PRKCA: variants seen among roughly 807,000 people sequenced by gnomAD.
PRKCA encodes the protein protein kinase C alpha.
In PRKCA, 27 loss-of-function variants were observed where a neutral mutation model predicts 87.0. That is an observed-to-expected ratio of 0.31 (90% CI 0.23 to 0.43). The LOEUF is 0.43. Among genes scored for constraint, PRKCA ranks in the 20% least tolerant of loss-of-function variants. PRKCA has a pLI of 1.00. For missense variants in PRKCA, 518 were observed against 852.3 expected (o/e 0.61, Z 4.88); for synonymous variants, 329 against 311.1 (o/e 1.06, Z -0.61).
intron 2 of PRKCA, among the ~76,000 whole-genome samples, chr17:66,324,330 A>G (rs1024192836): frequency 3.3e-5 from 5 of 151,804 alleles, no homozygotes; most frequent in Non-Finnish European, 5.9e-5. Flanking sequence ...GGCAGGCATC[A>G]GTGGCTCACG....
chr17:66,629,359 A>T (rs1368039398), intron 3 of PRKCA, among the ~76,000 whole-genome samples: 1 of 152,226 alleles, frequency 6.6e-6, no homozygotes, highest in African/African-American at 2.4e-5. Context: ...TTAGCTCCCT[A>T]CTACCAAAGA....
At chr17:66,675,765 A>G (rs1023019891) in intron 5 of PRKCA, among the ~76,000 whole-genome samples, 1 of 152,112 alleles carries the variant, frequency 6.6e-6, no homozygotes, top group Non-Finnish European at 1.5e-5. Flanking sequence ...CGGCCACCGG[A>G]GCCTGCCTGG....
At chr17:66,373,576 G>A (rs1909235596) in intron 2 of PRKCA, among the ~76,000 whole-genome samples, 1 of 152,142 alleles carries the variant, frequency 6.6e-6, no homozygotes, top group Non-Finnish European at 1.5e-5. Flanking sequence ...CTGCTTCCCT[G>A]CATTTTCTTT....
intron 8 of PRKCA, 127 bp from the exon 9 acceptor site, chr17:66,732,561 C>T: frequency 8.6e-7 from 1 of 1,163,214 alleles, no homozygotes; most frequent in South Asian, 1.3e-5. Flanking sequence ...AATTCTCACC[C>T]TTTGTTCCTT....
intron 2 of PRKCA, among the ~76,000 whole-genome samples, chr17:66,326,303 G>A (rs1176259115): frequency 1.3e-5 from 2 of 152,078 alleles, no homozygotes; most frequent in Non-Finnish European, 2.9e-5. Context: ...CCGTGGGTTT[G>A]CATATCTTTA....
chr17:66,702,135 C>CATAT (rs147965167), intron 8 of PRKCA, among the ~76,000 whole-genome samples: 3 of 150,132 alleles, frequency 2.0e-5, no homozygotes, highest in Admixed American at 1.3e-4. Flanking sequence ...TGTGCATATT[C>CATAT]ATATATATAT....
intron 4 of PRKCA, among the ~76,000 whole-genome samples, chr17:66,644,291 C>T (rs185424903): frequency 2.0e-5 from 3 of 152,336 alleles, no homozygotes; most frequent in African/African-American, 7.2e-5. Flanking sequence ...TTCCAATTTA[C>T]TTTGTCATGT....
intron 2 of PRKCA, among the ~76,000 whole-genome samples, chr17:66,441,557 G>A (rs367795265): frequency 1.1e-4 from 17 of 152,160 alleles, no homozygotes; most frequent in African/African-American, 2.6e-4. Context: ...ATCTTCATAC[G>A]ACTCTCGTCT....
intron 3 of PRKCA, among the ~76,000 whole-genome samples, chr17:66,580,935 C>G (rs1052921910): frequency 6.6e-5 from 10 of 151,996 alleles, no homozygotes; most frequent in South Asian, 2.1e-4. Flanking sequence ...TGTTGCCCCC[C>G]CCCATGCTCG....
At chr17:66,528,509 G>A (rs1221715418) in intron 3 of PRKCA, among the ~76,000 whole-genome samples, 3 of 152,146 alleles carry the variant, frequency 2.0e-5, no homozygotes, top group African/African-American at 4.8e-5. Context: ...ACAAAAGGAT[G>A]CAGAAGCAGA....
chr17:66,434,983 G>C (rs1487082698), intron 2 of PRKCA, among the ~76,000 whole-genome samples: 1 of 152,154 alleles, frequency 6.6e-6, no homozygotes, highest in African/African-American at 2.4e-5. Flanking sequence ...TCTCAAACTT[G>C]ACTCTTTGGT....
chr17:66,451,909 C>T (rs1443088252), intron 2 of PRKCA, among the ~76,000 whole-genome samples: 1 of 152,208 alleles, frequency 6.6e-6, no homozygotes, highest in African/African-American at 2.4e-5. Flanking sequence ...CTTTCTTTTG[C>T]TCCTGGCAAA....
intron 1 of PRKCA, among the ~76,000 whole-genome samples, chr17:66,303,551 CT>C (rs1225871841): frequency 2.0e-5 from 3 of 152,054 alleles, no homozygotes; most frequent in Non-Finnish European, 4.4e-5. Context: ...GCGCTGGCAT[CT>C]TGGGCCCCTG....
chr17:66,445,034 G>A (rs1013282255), intron 2 of PRKCA, among the ~76,000 whole-genome samples: 4 of 152,118 alleles, frequency 2.6e-5, no homozygotes, highest in Non-Finnish European at 5.9e-5. Flanking sequence ...GGAGTTTGTA[G>A]CAACATGTCC....
chr17:66,520,622 A>G (rs1428947856), intron 3 of PRKCA, among the ~76,000 whole-genome samples: 1 of 152,168 alleles, frequency 6.6e-6, no homozygotes, highest in African/African-American at 2.4e-5. Context: ...GTTAAGTTCA[A>G]CTTATCAAAG....
chr17:66,754,253 A>G (rs1049765540), intron 13 of PRKCA, among the ~76,000 whole-genome samples: 1 of 152,064 alleles, frequency 6.6e-6, no homozygotes, highest in Admixed American at 6.6e-5. Context: ...CATACAATCA[A>G]CATCGTTGTC....
intron 3 of PRKCA, among the ~76,000 whole-genome samples, chr17:66,540,107 C>A (rs927555611): frequency 7.9e-5 from 12 of 152,142 alleles, no homozygotes; most frequent in African/African-American, 2.7e-4. Context: ...TGATGTTTTC[C>A]CCATTGGGAA....
chr17:66,668,484 C>G (rs1449163262), intron 5 of PRKCA, among the ~76,000 whole-genome samples: 1 of 152,130 alleles, frequency 6.6e-6, no homozygotes, highest in East Asian at 1.9e-4. Flanking sequence ...CTACCTGGCT[C>G]CAGCAAAAAC....
At chr17:66,734,883 T>C (rs895393298) in intron 9 of PRKCA, among the ~76,000 whole-genome samples, 1 of 95,852 alleles carries the variant, frequency 1.0e-5, no homozygotes, top group Non-Finnish European at 2.2e-5. Context: ...CAAAAAGCTA[T>C]AGTGGGTTCA....
Sources: allele counts gnomAD v4.1 joint callset (sites outside exome capture counted in the v4.1 genomes callset), GRCh38; gene constraint gnomAD v4.1.1; transcripts MANE v1.5; gene names NCBI Gene and HGNC (gene_info 2026-07-23, HGNC 2026-07-21).